PTP4A2: variants seen among roughly 807,000 people sequenced by gnomAD.
The protein encoded by PTP4A2 is protein tyrosine phosphatase type IVA 2.
A neutral mutation model predicts 22.9 loss-of-function variants in PTP4A2; 2 were observed. That is an observed-to-expected ratio of 0.09 (90% CI 0.04 to 0.27). PTP4A2 has a LOEUF of 0.27. PTP4A2 is among the 10% of genes least tolerant of loss of function. PTP4A2 has a pLI of 1.00. For missense variants in PTP4A2, 103 were observed against 205.1 expected (o/e 0.50, Z 3.04); for synonymous variants, 68 against 69.1 (o/e 0.98, Z 0.08).
chr1:31,925,392 C>T (rs904105474), intron 1 of PTP4A2, among the ~76,000 whole-genome samples: 1 of 152,142 alleles, frequency 6.6e-6, no homozygotes, highest in Non-Finnish European at 1.5e-5. Flanking sequence ...TGTTTTCTTT[C>T]CTGTTAAAGA....
At position 31,906,966 on chromosome 1, in the gene PTP4A2, T is replaced by C. The variant is rs1360937789; in HGVS notation, c.*1886A>G. 1.3e-5 allele frequency: 2 copies of C among 152,254 alleles called. No individual in the cohort carries two copies. The highest frequency in any genetic ancestry group is 2.4e-5 in the African/African-American group (1 of 41,464). The allele number at this position is 152,254 out of a possible 1,614,324, so 9.4% of individuals were successfully genotyped here. On this transcript the variant is annotated 3_prime_UTR_variant, in exon 6 of 6. Coordinates refer to ENST00000647444, the MANE Select transcript of PTP4A2 (RefSeq NM_080391.4). ...ATTCTGAAATAAAGAATTTTGGATA[T>C]ACCATTATGTTTTAAAGTCCTAGAA... is the stretch of plus-strand genomic sequence containing the variant.
At chr1:31,917,489 T>C (rs866181328) in intron 2 of PTP4A2, among the ~76,000 whole-genome samples, 19 of 152,338 alleles carry the variant, frequency 1.2e-4, no homozygotes, top group Admixed American at 2.6e-4. Flanking sequence ...AACTCTGTAA[T>C]AGCCATTCAT....
chr1:31,907,658 T>C lies in PTP4A2; in HGVS notation c.*1194A>G, dbSNP rs1010633543. 1 of 152,022 alleles carries C rather than the reference T, an allele frequency of 6.6e-6. No homozygotes were observed. The highest frequency in any genetic ancestry group is 2.4e-5 in the African/African-American group (1 of 41,384). 9.4% of individuals were successfully genotyped at this position (152,022 alleles called of 1,614,324 possible). ...TATAGGGGGCAGTTTGGAAAACACA[T>C]ACCACAAGCATTTCTCAAGTCGAAA... On this transcript the variant is annotated 3_prime_UTR_variant, in exon 6 of 6. Transcript: ENST00000647444.
intron 1 of PTP4A2, among the ~76,000 whole-genome samples, chr1:31,936,295 C>A (rs534428357): frequency 1.3e-5 from 2 of 151,670 alleles, no homozygotes; most frequent in Non-Finnish European, 2.9e-5. Flanking sequence ...GAAAATTAGC[C>A]GGGTGTGGTG....
At position 31,913,060 on chromosome 1, in the gene PTP4A2, T is replaced by G. The variant is rs1268557911; in HGVS notation, c.190-1234A>C. 1.8e-4 allele frequency: 79 copies of G among 448,562 alleles called. 1 individual carries two copies. Among genetic ancestry groups the G allele is most frequent in the Non-Finnish European group, 4.4e-6 (1 of 224,724 alleles). 27.8% of individuals were successfully genotyped at this position (448,562 alleles called of 1,614,324 possible). ...ACAATATAAAACATGCTTCACTTAC[T>G]CATATAAGTAGTGTCTATTTTTAAA... On this transcript the variant is annotated intron_variant, in intron 3 of 5. Transcript: ENST00000647444.
At chr1:31,922,567 A>G (rs1232213069) in intron 1 of PTP4A2, among the ~76,000 whole-genome samples, 1 of 151,960 alleles carries the variant, frequency 6.6e-6, no homozygotes, top group Non-Finnish European at 1.5e-5. Context: ...TAGCAGCTTA[A>G]GAACAAAAAC....
At chr1:31,913,087 AAATCATT>A (rs1216572255) in intron 3 of PTP4A2, 1 of 430,404 alleles carries the variant, frequency 2.3e-6, no homozygotes, top group African/African-American at 2.1e-5. Flanking sequence ...ATTTTTAAAA[AAATCATT>A]AATCATTTAG....
intron 4 of PTP4A2, 21 bp downstream of exon 4, chr1:31,911,675 G>A (rs759769915): frequency 3.4e-5 from 53 of 1,548,522 alleles, no homozygotes; most frequent in Non-Finnish European, 4.3e-5. Flanking sequence ...GACAAAAAGG[G>A]TAATAAAGGT....
intron 2 of PTP4A2, among the ~76,000 whole-genome samples, chr1:31,916,378 C>CAAG (rs1651845673): frequency 8.1e-6 from 1 of 123,522 alleles, no homozygotes; most frequent in African/African-American, 3.0e-5. Flanking sequence ...AAAAAGAAAT[C>CAAG]TACTATTATA....
In PTP4A2 at chr1:31,919,105, T is replaced by C; in HGVS notation, c.-40A>G. ...AGTGTGAGCGTGCGTGTGAGTGTGA[T>C]GGGGAAAGTGAAAAAAAAAAATCAA... is the stretch of plus-strand genomic sequence containing the variant. On this transcript the variant is annotated 5_prime_UTR_variant, in exon 2 of 6. Transcript: ENST00000647444. 9.9e-7 allele frequency: 1 copy of C among 1,006,580 alleles called. No individual in the cohort carries two copies. 62.4% of individuals were successfully genotyped at this position (1,006,580 alleles called of 1,614,324 possible).
Position 31,906,786 on chromosome 1 carries a change from A to ACACACC in PTP4A2, c.*2065_*2066insGGTGTG, listed in dbSNP as rs1449697376. 6.0e-5 allele frequency: 5 copies of ACACACC among 82,926 alleles called. No individual in the cohort carries two copies. The highest frequency in any genetic ancestry group is 2.2e-4 in the African/African-American group (5 of 22,904). The allele number at this position is 82,926 out of a possible 1,614,324, so 5.1% of individuals were successfully genotyped here. A position where few individuals can be genotyped will look rare whatever the true frequency, so the allele number is the denominator to read the frequency against. ...CACACACACACACACACACACACAC[A>ACACACC]CCCCCTCCCCCCAAACAACAAAATT... On this transcript the variant is annotated 3_prime_UTR_variant, in exon 6 of 6. Transcript: ENST00000647444.
chr1:31,931,530 C>T (rs762222389), intron 1 of PTP4A2, among the ~76,000 whole-genome samples: 9 of 152,098 alleles, frequency 5.9e-5, no homozygotes, highest in Non-Finnish European at 8.8e-5. Flanking sequence ...CAAGCAGCTC[C>T]GTAATTACCA....
chr1:31,936,370 C>T (rs1652933004), intron 1 of PTP4A2, among the ~76,000 whole-genome samples: 1 of 151,688 alleles, frequency 6.6e-6, no homozygotes, highest in South Asian at 2.1e-4. Context: ...ACCCGGGAAG[C>T]CTGGGCAACA....
At chr1:31,922,582 GTTTGTTTCTTTC>G (rs1012258776) in intron 1 of PTP4A2, among the ~76,000 whole-genome samples, 1 of 141,724 alleles carries the variant, frequency 7.1e-6, no homozygotes, top group African/African-American at 2.6e-5. Flanking sequence ...AAAAACCCAG[GTTTGTTTCTTTC>G]TTTCTTTCTT....
At chr1:31,917,088 A>G (rs556448537) in intron 2 of PTP4A2, among the ~76,000 whole-genome samples, 1 of 152,314 alleles carries the variant, frequency 6.6e-6, no homozygotes, top group African/African-American at 2.4e-5. Flanking sequence ...GGGGCTACCA[A>G]TATCTTTTTT....
At chr1:31,925,478 G>A (rs145472877) in intron 1 of PTP4A2, among the ~76,000 whole-genome samples, 10 of 152,336 alleles carry the variant, frequency 6.6e-5, no homozygotes, top group African/African-American at 1.9e-4. Context: ...TTAGAGGCCG[G>A]GCGCCGTGGC....
chr1:31,908,108 T>A lies in PTP4A2; in HGVS notation c.*744A>T. The A allele has an allele frequency of 2.0e-5, 1 of 50,686 alleles. No homozygotes were observed. Among genetic ancestry groups the A allele is most frequent in the Non-Finnish European group, 3.4e-5 (1 of 29,790 alleles). 3.1% of individuals were successfully genotyped at this position (50,686 alleles called of 1,614,324 possible). On this transcript the variant is annotated 3_prime_UTR_variant, in exon 6 of 6. Transcript: ENST00000647444. ...TCATCAGTAAAGACTAAAAACCACCTGGAAAATATATATATATATATATAT... is the reference window on the plus strand; with the variant it reads ...TCATCAGTAAAGACTAAAAACCACCAGGAAAATATATATATATATATATAT...
chr1:31,909,348 C>A (rs2124132773), intron 5 of PTP4A2, among the ~76,000 whole-genome samples: 1 of 152,174 alleles, frequency 6.6e-6, no homozygotes, highest in Non-Finnish European at 1.5e-5. Flanking sequence ...TGTGCACTAC[C>A]ATCCTGATTT....
At chr1:31,926,123 G>A (rs1457782553) in intron 1 of PTP4A2, among the ~76,000 whole-genome samples, 4 of 123,902 alleles carry the variant, frequency 3.2e-5, no homozygotes, top group African/African-American at 6.2e-5. Flanking sequence ...GCTAGATTCC[G>A]TTTCAAAAAA....
Sources: gnomAD v4.1 joint callset for allele counts (sites outside exome capture counted in the v4.1 genomes callset) on GRCh38, gnomAD v4.1.1 for gene constraint, MANE v1.5 for transcripts, NCBI Gene and HGNC (gene_info 2026-07-23, HGNC 2026-07-21) for gene names.